The following RCAN1 variants were observed in gnomAD, a reference collection of about 807,000 sequenced individuals.
RCAN1 encodes the protein regulator of calcineurin 1.
Under a neutral mutation model 22.9 loss-of-function variants are expected in RCAN1, and 11 were observed. The ratio of observed to expected loss-of-function variants is 0.48; its 90% CI spans 0.30 to 0.79. The LOEUF (loss-of-function observed/expected upper bound fraction) is 0.79, where lower values mean the gene tolerates loss of function less well. RCAN1 is among the 30% of genes least tolerant of loss of function. The pLI is 0.06. For synonymous variants in RCAN1, 136 were observed against 142.3 expected, an observed-to-expected ratio of 0.96 and a Z score of 0.32; for missense variants, 291 against 337.8, an observed-to-expected ratio of 0.86 and a Z score of 1.09.
At chr21:34,559,668 C>G (rs1324651366) in intron 1 of RCAN1, 1 of 152,192 alleles carries the variant, frequency 6.6e-6, no homozygotes, top group Non-Finnish European at 1.5e-5. Flanking sequence ...CACAGTCAAC[C>G]TACACTTTGC....
chr21:34,569,324 C>A (rs1262293844), intron 1 of RCAN1, among the ~76,000 whole-genome samples: 1 of 152,122 alleles, frequency 6.6e-6, no homozygotes, highest in Non-Finnish European at 1.5e-5. Context: ...TAGACTATAG[C>A]TTATTTTTGA....
chr21:34,541,453 T>C (rs1985907981), intron 1 of RCAN1, among the ~76,000 whole-genome samples: 2 of 152,246 alleles, frequency 1.3e-5, no homozygotes, highest in Admixed American at 1.3e-4. Context: ...CGTTCCACTA[T>C]CATCCACTGT....
intron 1 of RCAN1, among the ~76,000 whole-genome samples, chr21:34,533,511 C>A (rs976066867): frequency 6.6e-6 from 1 of 152,168 alleles, no homozygotes; most frequent in Non-Finnish European, 1.5e-5. Flanking sequence ...TGAACCTAAG[C>A]CTTCTGGTTC....
chr21:34,592,942 A>T (rs1988023089), intron 1 of RCAN1, among the ~76,000 whole-genome samples: 1 of 152,248 alleles, frequency 6.6e-6, no homozygotes, highest in Non-Finnish European at 1.5e-5. Flanking sequence ...TGAAGGAAAG[A>T]GGATGGGGAG....
intron 1 of RCAN1, among the ~76,000 whole-genome samples, chr21:34,533,511 C>T (rs976066867): frequency 1.3e-5 from 2 of 152,168 alleles, no homozygotes; most frequent in South Asian, 4.1e-4. Flanking sequence ...TGAACCTAAG[C>T]CTTCTGGTTC....
At chr21:34,545,005 CTG>C (rs1246059032) in intron 1 of RCAN1, among the ~76,000 whole-genome samples, 3 of 152,220 alleles carry the variant, frequency 2.0e-5, no homozygotes, top group Admixed American at 1.3e-4. Flanking sequence ...GCAAAGCCTA[CTG>C]TGTCATTTAC....
chr21:34,602,357 C>T (rs1988382151), intron 1 of RCAN1, among the ~76,000 whole-genome samples: 1 of 152,198 alleles, frequency 6.6e-6, no homozygotes, highest in Admixed American at 6.5e-5. Context: ...AACCAACAAG[C>T]TCTATACCCG....
rs141259241 is a variant in RCAN1 at position 34,517,981 on chromosome 21, C to T, written c.*103G>A. The T allele has an allele frequency of 1.6e-4, 225 of 1,428,776 alleles. No individual in the cohort carries two copies. The African/African-American group carries it at 2.3e-3, about 14-fold the overall frequency. The allele number at this position is 1,428,776 out of a possible 1,614,324, so 88.5% of individuals were successfully genotyped here. ...ACATGAACTGGGATTTCTGCCACCC[C>T]GATCTCGGCTGCCACCTCCGAAGAA... On this transcript the variant is annotated 3_prime_UTR_variant, in exon 4 of 4. Transcript: ENST00000313806.
chr21:34,614,496 C>A lies in RCAN1; in HGVS notation c.252+264G>T, dbSNP rs1359587487. ...AGCGAATTCACCCCCCTAGTCGCACCAGCCTGGGCGCACACGGGGGCCGGG... is the reference window on the plus strand; with the variant it reads ...AGCGAATTCACCCCCCTAGTCGCACAAGCCTGGGCGCACACGGGGGCCGGG... On this transcript the variant is annotated intron_variant, in intron 1 of 3. Transcript: ENST00000313806. This position sits in a 1 kb window ranked among gnomAD's most constrained non-coding sequence, Gnocchi z 6.0. 12 of 1,040,594 alleles carry A rather than the reference C, an allele frequency of 1.2e-5. No homozygotes were observed. The African/African-American group carries it at 1.4e-4, about 12-fold the overall frequency. The allele number at this position is 1,040,594 out of a possible 1,614,324, so 64.5% of individuals were successfully genotyped here.
intron 1 of RCAN1, among the ~76,000 whole-genome samples, chr21:34,563,184 C>T (rs1986858100): frequency 6.6e-6 from 1 of 152,158 alleles, no homozygotes; most frequent in South Asian, 2.1e-4. Flanking sequence ...CCACCAGAAA[C>T]CTGAGAATAC....
chr21:34,608,527 A>C (rs1988600125), intron 1 of RCAN1, among the ~76,000 whole-genome samples: 1 of 152,142 alleles, frequency 6.6e-6, no homozygotes, highest in African/African-American at 2.4e-5. Flanking sequence ...GCCCCCACAC[A>C]AGTGAGCCTG....
chr21:34,581,748 GA>G (rs894707663), intron 1 of RCAN1, among the ~76,000 whole-genome samples: 1 of 152,248 alleles, frequency 6.6e-6, no homozygotes, highest in South Asian at 2.1e-4. Flanking sequence ...CGTTATTCAT[GA>G]AAAAAATCTT....
At chr21:34,539,982 T>C (rs1985845779) in intron 1 of RCAN1, among the ~76,000 whole-genome samples, 1 of 152,170 alleles carries the variant, frequency 6.6e-6, no homozygotes, top group Non-Finnish European at 1.5e-5. Context: ...TCATCTGAAT[T>C]GTTTCTTGTC....
chr21:34,525,438 C>T, intron 1 of RCAN1: 1 of 1,399,708 alleles, frequency 7.1e-7, no homozygotes, highest in South Asian at 1.6e-5. Context: ...ACTCTTTTTC[C>T]CCACCTCTCT....
chr21:34,606,173 A>T (rs534678762), intron 1 of RCAN1, among the ~76,000 whole-genome samples: 91 of 152,296 alleles, frequency 6.0e-4, no homozygotes, highest in African/African-American at 2.1e-3. Context: ...GATGGGAGAG[A>T]ACAATGAACA....
Position 34,614,422 on chromosome 21 carries a change from G to A in RCAN1, c.252+338C>T, listed in dbSNP as rs913091271. 1.1e-5 allele frequency: 11 copies of A among 1,002,366 alleles called. No individual in the cohort carries two copies. The highest frequency in any genetic ancestry group is 1.7e-5 in the African/African-American group (1 of 57,874). The allele number at this position is 1,002,366 out of a possible 1,614,324, so 62.1% of individuals were successfully genotyped here. A position where few individuals can be genotyped will look rare whatever the true frequency, so the allele number is the denominator to read the frequency against. Reference sequence around the variant, plus strand: ...ACCCCCTCCTCCAGCGAGTAAATGCGGGGCGATGGCGAGAGCGCAGGGGGC... The same window carrying A: ...ACCCCCTCCTCCAGCGAGTAAATGCAGGGCGATGGCGAGAGCGCAGGGGGC... On this transcript the variant is annotated intron_variant, in intron 1 of 3. Transcript: ENST00000313806. This position sits in a 1 kb window ranked among gnomAD's most constrained non-coding sequence, Gnocchi z 6.0.
intron 1 of RCAN1, among the ~76,000 whole-genome samples, chr21:34,610,387 A>C (rs1988652148): frequency 1.3e-5 from 2 of 152,164 alleles, no homozygotes; most frequent in Admixed American, 6.5e-5. Context: ...GGTTAAACCA[A>C]ATGCCCCATC....
chr21:34,592,730 G>A (rs1382628029), intron 1 of RCAN1, among the ~76,000 whole-genome samples: 3 of 152,044 alleles, frequency 2.0e-5, no homozygotes, highest in Non-Finnish European at 2.9e-5. Flanking sequence ...TGTGTTTTCC[G>A]ATTCCAAGAA....
intron 1 of RCAN1, among the ~76,000 whole-genome samples, chr21:34,556,027 C>A (rs543298945): frequency 6.9e-6 from 1 of 145,798 alleles, no homozygotes; most frequent in Admixed American, 7.1e-5. Flanking sequence ...CGTGCCACTG[C>A]GCTCTAACCT....
Sources: gnomAD v4.1 joint callset for allele counts (sites outside exome capture counted in the v4.1 genomes callset) on GRCh38, gnomAD v4.1.1 for gene constraint, Gnocchi (gnomAD v3.1) non-coding constraint, MANE v1.5 for transcripts, NCBI Gene and HGNC (gene_info 2026-07-23, HGNC 2026-07-21) for gene names.